GRIA3: variants seen among roughly 807,000 people sequenced by gnomAD.
GRIA3 encodes the protein glutamate receptor 3.
In GRIA3, 3 loss-of-function variants were observed where a neutral mutation model predicts 63.0. The ratio of observed to expected loss-of-function variants is 0.05; its 90% CI spans 0.02 to 0.12. GRIA3 has a LOEUF of 0.12. GRIA3 is among the 10% of genes least tolerant of loss of function. The pLI, the probability that GRIA3 is intolerant of heterozygous loss-of-function variation, is 1.00. For synonymous variants in GRIA3, 274 were observed against 257.9 expected (o/e 1.06, Z -0.60); for missense variants, 347 against 700.9 (o/e 0.50, Z 5.70).
chrX:123,334,115 CTA>C (rs1165471975), intron 4 of GRIA3, among the ~76,000 whole-genome samples: 1 of 111,429 alleles, frequency 9.0e-6, no homozygotes, highest in Non-Finnish European at 1.9e-5. Flanking sequence ...AAAGCAAAAC[CTA>C]TGGTTGGATT....
At chrX:123,230,839 A>G in intron 2 of GRIA3, among the ~76,000 whole-genome samples, 1 of 111,932 alleles carries the variant, frequency 8.9e-6, no homozygotes, top group Admixed American at 9.5e-5. Flanking sequence ...TTTGGTTGAC[A>G]AAGGAAATAA....
intron 12 of GRIA3, among the ~76,000 whole-genome samples, chrX:123,451,058 GT>G (rs1372915280): frequency 6.3e-5 from 7 of 111,172 alleles, no homozygotes; most frequent in Admixed American, 1.9e-4. Flanking sequence ...ACAAACCGTG[GT>G]AAAAATTCTG....
intron 2 of GRIA3, among the ~76,000 whole-genome samples, chrX:123,197,409 C>T (rs775663002): frequency 9.0e-6 from 1 of 111,519 alleles, no homozygotes; most frequent in African/African-American, 3.3e-5. Context: ...CCTGTAGTCC[C>T]AGCTACTCAG....
intron 2 of GRIA3, among the ~76,000 whole-genome samples, chrX:123,200,960 T>C (rs1212247878): frequency 8.9e-6 from 1 of 111,880 alleles, no homozygotes; most frequent in Non-Finnish European, 1.9e-5. Context: ...TGGATCTATC[T>C]CTTTCTTGTT....
chrX:123,463,023 C>T (rs1212065728), intron 12 of GRIA3, among the ~76,000 whole-genome samples: 1 of 110,988 alleles, frequency 9.0e-6, no homozygotes, highest in East Asian at 2.8e-4. Flanking sequence ...TTCTAGGGAC[C>T]ACCTGAATTG....
At position 123,294,055 on chromosome X, in the gene GRIA3, T is replaced by TAAAA. The variant is rs10633680; in HGVS notation, c.509-31962_509-31959dup. Among the ~76,000 whole-genome samples the TAAAA allele has an allele frequency of 6.4e-3, 665 of 103,147 alleles. 4 individuals are homozygous for TAAAA. Among genetic ancestry groups the TAAAA allele is most frequent in the East Asian group, 0.032 (105 of 3,252 alleles). 89.6% of individuals were successfully genotyped at this position (103,147 alleles called of 115,157 possible). A position where few individuals can be genotyped will look rare whatever the true frequency, so the allele number is the denominator to read the frequency against. On this transcript the variant is annotated intron_variant, in intron 3 of 15. Coordinates refer to ENST00000620443, the MANE Select transcript of GRIA3 (RefSeq NM_007325.5). ...CCTTGCAACAAAGAGTCCTTGCTAA[T>TAAAA]AAAAAAAAAAAATCTATTGGCTGTT...
chrX:123,326,369 G>GAAAAAAAAAAAAAAAAA (rs56808544), intron 4 of GRIA3, among the ~76,000 whole-genome samples, 156 bp downstream of exon 4: 1 of 70,104 alleles, frequency 1.4e-5, no homozygotes. Context: ...AGTGGCTGCA[G>GAAAAAAAAAAAAAAAAA]AAAAAAAAAA....
At chrX:123,184,732 G>A (rs776291444) in intron 1 of GRIA3, 88 bp downstream of exon 1, 6 of 644,241 alleles carry the variant, frequency 9.3e-6, no homozygotes, top group African/African-American at 6.7e-5. Flanking sequence ...GTGGGTCCCT[G>A]TCCTGCGTGG....
intron 4 of GRIA3, among the ~76,000 whole-genome samples, chrX:123,349,547 A>G (rs1198895154): frequency 8.9e-6 from 1 of 112,773 alleles, no homozygotes; most frequent in Non-Finnish European, 1.9e-5. Context: ...CCCTGTAGAT[A>G]GCATAAGCAT....
chrX:123,357,985 G>T (rs1345314397), intron 5 of GRIA3, among the ~76,000 whole-genome samples: 1 of 110,800 alleles, frequency 9.0e-6, no homozygotes, highest in Admixed American at 9.6e-5. Flanking sequence ...TAATAATAAT[G>T]AGCCAAATTA....
chrX:123,350,406 C>T (rs1454580403), intron 4 of GRIA3, among the ~76,000 whole-genome samples: 2 of 111,306 alleles, frequency 1.8e-5, no homozygotes, highest in Non-Finnish European at 3.8e-5. Context: ...ACACACTTCT[C>T]CACACACATA....
intron 11 of GRIA3, among the ~76,000 whole-genome samples, chrX:123,420,842 C>A (rs1306125725): frequency 9.0e-6 from 1 of 110,977 alleles, no homozygotes; most frequent in Non-Finnish European, 1.9e-5. Flanking sequence ...TGAGATATAT[C>A]AAATGCTTTT....
At chrX:123,295,977 C>G (rs1039148556) in intron 3 of GRIA3, among the ~76,000 whole-genome samples, 2 of 111,521 alleles carry the variant, frequency 1.8e-5, no homozygotes, top group Admixed American at 1.9e-4. Flanking sequence ...TTCTCTCACT[C>G]CCACCTTAGA....
At chrX:123,317,328 C>T (rs1341539859) in intron 3 of GRIA3, among the ~76,000 whole-genome samples, 1 of 111,099 alleles carries the variant, frequency 9.0e-6, no homozygotes, top group Non-Finnish European at 1.9e-5. Context: ...ATTTCAAAAC[C>T]AATCATGCCT....
intron 2 of GRIA3, among the ~76,000 whole-genome samples, chrX:123,212,017 A>C (rs1211587561): frequency 8.9e-6 from 1 of 112,054 alleles, no homozygotes; most frequent in East Asian, 2.8e-4. Flanking sequence ...TATGTCATAT[A>C]AGGTTTACCA....
chrX:123,477,704 G>T (rs1449616250), intron 13 of GRIA3, among the ~76,000 whole-genome samples: 1 of 112,181 alleles, frequency 8.9e-6, no homozygotes, highest in Non-Finnish European at 1.9e-5. Context: ...ACACTTTTAT[G>T]AATGTAGTTC....
intron 2 of GRIA3, among the ~76,000 whole-genome samples, chrX:123,203,971 A>G (rs1479212974): frequency 8.9e-6 from 1 of 112,191 alleles, no homozygotes; most frequent in Non-Finnish European, 1.9e-5. Context: ...CATAAAGTAA[A>G]TGCTGCCACT....
chrX:123,218,281 A>T (rs952244615), intron 2 of GRIA3, among the ~76,000 whole-genome samples: 1 of 111,340 alleles, frequency 9.0e-6, no homozygotes, highest in African/African-American at 3.3e-5. Context: ...GCTGGTATTC[A>T]GGTTATCCAG....
Position 123,202,782 on chromosome X carries a change from G to A in GRIA3, c.268+16792G>A, listed in dbSNP as rs1927781157. 8.6e-7 allele frequency: 1 copy of A among 1,162,785 alleles called. No homozygotes were observed. The highest frequency in any genetic ancestry group is 1.9e-5 in the South Asian group (1 of 52,142). Reference sequence around the variant, plus strand: ...CCAAAACTGGGCCTATTGTATCTGGGGTAAGTGCCCATAGTTTGAAATCAG... The same window carrying A: ...CCAAAACTGGGCCTATTGTATCTGGAGTAAGTGCCCATAGTTTGAAATCAG... On this transcript the variant is annotated intron_variant, in intron 2 of 15. Transcript: ENST00000620443.
Sources: allele counts gnomAD v4.1 joint callset (sites outside exome capture counted in the v4.1 genomes callset), GRCh38; gene constraint gnomAD v4.1.1; transcripts MANE v1.5; gene names NCBI Gene and HGNC (gene_info 2026-07-23, HGNC 2026-07-21).